Variants in LMNA observed in about 807,000 individuals in gnomAD.
LMNA encodes the protein lamin.
A neutral mutation model predicts 70.4 loss-of-function variants in LMNA; 20 were observed. The ratio of observed to expected loss-of-function variants is 0.28; its 90% confidence interval spans 0.20 to 0.41. The LOEUF (loss-of-function observed/expected upper bound fraction) is 0.41, where lower values mean the gene tolerates loss of function less well. Ranked by LOEUF, LMNA falls within the 10% of genes least tolerant of loss-of-function variation. LMNA has a pLI of 1.00. For missense variants in LMNA, 652 were observed against 917.2 expected, an observed-to-expected ratio of 0.71 and a Z score of 3.73; for synonymous variants, 339 against 372.8, an observed-to-expected ratio of 0.91 and a Z score of 1.04.
chr1:156,090,583 G>A lies in LMNA; in HGVS notation c.-207+1G>A, dbSNP rs1648659101. ...GTAACTTTCCTAGGTCACAGAGCTG[G>A]TAAGTAGAGACTTTAGTGTTCAAAA... On this transcript the variant is annotated splice_donor_variant, in intron 3 of 12. Coordinates refer to the LMNA transcript ENST00000368301. LOFTEE classifies it low-confidence loss of function (5UTR_SPLICE). 6.6e-6 allele frequency: 1 copy of A among 152,210 alleles called. No individual in the cohort carries two copies. Among genetic ancestry groups the A allele is most frequent in the Non-Finnish European group, 1.5e-5 (1 of 68,058 alleles). 9.4% of individuals were successfully genotyped at this position (152,210 alleles called of 1,614,324 possible). A position where few individuals can be genotyped will look rare whatever the true frequency, so the allele number is the denominator to read the frequency against.
At chr1:156,113,014 G>T (rs569101457), upstream of LMNA, among the ~76,000 whole-genome samples, 2 of 152,254 alleles carry the variant, frequency 1.3e-5, no homozygotes, top group East Asian at 3.9e-4. Context: ...GATAAGGTGG[G>T]ACGGGCATGG....
intron 1 of LMNA, among the ~76,000 whole-genome samples, chr1:156,129,474 C>G (rs190753805): frequency 2.0e-5 from 3 of 152,250 alleles, no homozygotes; most frequent in Non-Finnish European, 1.5e-5. Context: ...CTGCTTTTCT[C>G]CTTTCCAGGA....
rs1651751845 is a variant in LMNA at position 156,137,374 on chromosome 1, C to T, written c.1608+142C>T. On this transcript the variant is annotated intron_variant, in intron 9 of 11. Transcript: ENST00000368300. The surrounding 1 kb of genome is among the most constrained non-coding windows in gnomAD (Gnocchi z 4.6). ...GTTGCAGGCTCCAGACTTCTCCACC[C>T]AGTAGGCAAACCAAAAGATGCTTCC... The T allele has an allele frequency of 8.8e-7, 1 of 1,136,826 alleles. No homozygotes were observed. 70.4% of individuals were successfully genotyped at this position (1,136,826 alleles called of 1,614,324 possible).
intron 2 of LMNA, among the ~76,000 whole-genome samples, chr1:156,085,590 G>A (rs1047265454): frequency 2.6e-5 from 4 of 152,178 alleles, no homozygotes; most frequent in African/African-American, 9.7e-5. Flanking sequence ...ATGCAGCCCT[G>A]CCCAGAGCAG....
chr1:156,092,863 CCTTT>C (rs779515602), intron 3 of LMNA, among the ~76,000 whole-genome samples: 3 of 151,202 alleles, frequency 2.0e-5, no homozygotes, highest in African/African-American at 4.9e-5. Context: ...TGGACTTTCT[CCTTT>C]CTTTCTTTTC....
rs1651413144 is a variant in LMNA, at chr1:156,134,931, G to A, written c.766G>A (p.Val256Met). 1.9e-6 allele frequency: 3 copies of A among 1,614,252 alleles called. No individual in the cohort carries two copies. The highest frequency in any genetic ancestry group is 2.5e-6 in the Non-Finnish European group (3 of 1,180,040). The change falls in exon 4 of 12, where the codon GTG becomes ATG. Residue 256 changes from valine (V) to methionine (M), a missense_variant. Val to Met is a conservative substitution (Grantham distance 21, BLOSUM62 1). This residue lies in a region of LMNA where 254 missense variants were observed against 421.9 expected (regional missense o/e 0.60). Coordinates refer to ENST00000368300, the MANE Select transcript of LMNA (RefSeq NM_170707.4). This position sits in a 1 kb window ranked among gnomAD's most constrained non-coding sequence, Gnocchi z 5.3. ...ACTGCGGGCCCAGCATGAGGACCAG[G>A]TGGAGCAGTATAAGAAGGAGCTGGA... ...QELRAQHEDQ[V>M]EQYKKELEKT...
rs184960817 is a variant in LMNA at position 156,108,751 on chromosome 1, C to T, written c.-206-5962C>T. On this transcript the variant is annotated intron_variant, in intron 3 of 12. Coordinates refer to the LMNA transcript ENST00000368301. ...ATTGCACTCCAGCCCAGGCAACGGGCGAAACTCCATCTCAAAAAAAAAAAA... is the reference window on the plus strand; with the variant it reads ...ATTGCACTCCAGCCCAGGCAACGGGTGAAACTCCATCTCAAAAAAAAAAAA... Among the ~76,000 whole-genome samples, 43 of 150,518 alleles carry T rather than the reference C, an allele frequency of 2.9e-4. No homozygotes were observed. The South Asian group carries it at 2.9e-3, about 10-fold the overall frequency.
Position 156,137,804 on chromosome 1 carries a change from G to A in LMNA, c.1698+61G>A, listed in dbSNP as rs1211197255. ...TGGGGCCACCCAGCCAGGCCTGGGG[G>A]CAGCCTCTCCCCAGCCTCCCCGTGC... On this transcript the variant is annotated intron_variant, in intron 10 of 11. Transcript: ENST00000368300. The surrounding 1 kb of genome is among the most constrained non-coding windows in gnomAD (Gnocchi z 4.6). 2 of 1,546,540 alleles carry A rather than the reference G, an allele frequency of 1.3e-6. No homozygotes were observed. The highest frequency in any genetic ancestry group is 1.4e-5 in the African/African-American group (1 of 73,104).
At chr1:156,123,695 G>A (rs1650354866) in intron 1 of LMNA, among the ~76,000 whole-genome samples, 2 of 152,140 alleles carry the variant, frequency 1.3e-5, no homozygotes, top group Admixed American at 1.3e-4. Context: ...TCTAGAGAGA[G>A]AGGCCAGGAA....
intron 1 of LMNA, among the ~76,000 whole-genome samples, chr1:156,128,909 T>C (rs1650809073): frequency 6.6e-6 from 1 of 152,216 alleles, no homozygotes; most frequent in Non-Finnish European, 1.5e-5. Context: ...GGAATCTAAG[T>C]TGCCCCAGTT....
chr1:156,131,760 A>G (rs930531809), intron 2 of LMNA, among the ~76,000 whole-genome samples: 1 of 152,202 alleles, frequency 6.6e-6, no homozygotes, highest in African/African-American at 2.4e-5. Flanking sequence ...TTGATCATTT[A>G]TTGAGGCCAT....
chr1:156,108,296 T>A (rs1031263143), intron 3 of LMNA, among the ~76,000 whole-genome samples: 1 of 152,108 alleles, frequency 6.6e-6, no homozygotes, highest in African/African-American at 2.4e-5. Context: ...AAAGGATGAA[T>A]AAGACCCTCC....
intron 3 of LMNA, among the ~76,000 whole-genome samples, chr1:156,100,753 A>T (rs1370930420): frequency 6.6e-6 from 1 of 152,164 alleles, no homozygotes; most frequent in South Asian, 2.1e-4. Flanking sequence ...CTACTCAAAC[A>T]TGTATTGAGA....
intron 2 of LMNA, among the ~76,000 whole-genome samples, chr1:156,087,185 T>C (rs1298453800): frequency 6.6e-6 from 1 of 152,062 alleles, no homozygotes; most frequent in Non-Finnish European, 1.5e-5. Context: ...CTATCTGTCC[T>C]AGTTAGCTGA....
Position 156,134,309 on chromosome 1 carries a change from G to A in LMNA, c.514-94G>A, listed in dbSNP as rs1202735657. The A allele has an allele frequency of 5.7e-6, 8 of 1,414,472 alleles. No homozygotes were observed. The highest frequency in any genetic ancestry group is 7.8e-6 in the Non-Finnish European group (8 of 1,022,058). The allele number at this position is 1,414,472 out of a possible 1,614,324, so 87.6% of individuals were successfully genotyped here. ...TCCCTGGACCTGTTTCCACATGTGTGAAGGGGTGCACAGGCAGCAGCCCAC... is the reference window on the plus strand; with the variant it reads ...TCCCTGGACCTGTTTCCACATGTGTAAAGGGGTGCACAGGCAGCAGCCCAC... On this transcript the variant is annotated intron_variant, in intron 2 of 11. Coordinates refer to ENST00000368300, the MANE Select transcript of LMNA (RefSeq NM_170707.4). This position sits in a 1 kb window ranked among gnomAD's most constrained non-coding sequence, Gnocchi z 5.3.
chr1:156,097,930 G>T (rs1370590497), intron 3 of LMNA, among the ~76,000 whole-genome samples: 5 of 152,130 alleles, frequency 3.3e-5, no homozygotes, highest in African/African-American at 1.2e-4. Flanking sequence ...TAGGGGCAGG[G>T]GTGCGTGTGC....
rs147131000 is a variant in LMNA, at chr1:156,101,165, T to C, written c.-207+10583T>C. On this transcript the variant is annotated intron_variant, in intron 3 of 12. Coordinates refer to the LMNA transcript ENST00000368301. ...GAGCCACTGTTAGTTTAAAGTCTTC[T>C]GGAAACAAAATGAGGCTTTCATTTT... Among the ~76,000 whole-genome samples the C allele has an allele frequency of 2.6e-5, 4 of 152,226 alleles. No homozygotes were observed. The East Asian group carries it at 5.8e-4, about 22-fold the overall frequency.
Position 156,139,196 on chromosome 1 carries a change from G to C in LMNA, c.*90G>C, listed in dbSNP as rs1651914601. On this transcript the variant is annotated 3_prime_UTR_variant, in exon 12 of 12. Coordinates refer to ENST00000368300, the MANE Select transcript of LMNA (RefSeq NM_170707.4). Reference sequence around the variant, plus strand: ...CCCCTGCCCTGCACGTCATGGGAGGGGGCTTGAAGCCAAAGAAAAATAACC... The same window carrying C: ...CCCCTGCCCTGCACGTCATGGGAGGCGGCTTGAAGCCAAAGAAAAATAACC... 1 of 1,596,650 alleles carries C rather than the reference G, an allele frequency of 6.3e-7. No homozygotes were observed. The highest frequency in any genetic ancestry group is 1.8e-5 in the Admixed American group (1 of 56,334).
In LMNA at chr1:156,128,694, C is replaced by T. The variant is rs1457215594; in HGVS notation, c.357-1923C>T. 6.6e-5 allele frequency among the ~76,000 whole-genome samples: 10 copies of T among 152,358 alleles called. No homozygotes were observed. The East Asian group carries it at 1.5e-3, about 24-fold the overall frequency. On this transcript the variant is annotated intron_variant, in intron 1 of 11. Transcript: ENST00000368300. The stretch of plus-strand genomic sequence containing the variant: ...GCTGCTGCTGGCTTTCGGTAATTGA[C>T]ACTGGGCCATTCACCTTCCTCCTTT...
Sources: gnomAD v4.1 joint callset for allele counts (sites outside exome capture counted in the v4.1 genomes callset) on GRCh38, gnomAD v4.1.1 for gene constraint, gnomAD v4.1.1 regional missense constraint, Gnocchi (gnomAD v3.1) non-coding constraint, MANE v1.5 for transcripts, NCBI Gene and HGNC (gene_info 2026-07-23, HGNC 2026-07-21) for gene names.